The following SEMA4B variants were observed in gnomAD, a reference collection of about 807,000 sequenced individuals.
SEMA4B encodes semaphorin-4B.
SEMA4B carries 55 observed loss-of-function variants against 88.1 expected under a neutral mutation model. The observed-to-expected ratio is 0.62, with a 90% CI of 0.50 to 0.78. The LOEUF is 0.78. SEMA4B is among the 30% of genes least tolerant of loss of function. The pLI is 0.00. For synonymous variants in SEMA4B, 525 were observed against 473.6 expected (o/e 1.11, Z -1.41); for missense variants, 1,062 against 1,111.9 (o/e 0.96, Z 0.64).
At chr15:90,217,114 C>T in intron 1 of SEMA4B, 1 of 224,906 alleles carries the variant, frequency 4.4e-6, no homozygotes, top group Non-Finnish European at 8.7e-6. Flanking sequence ...GTATAGTATT[C>T]AGTTGGATTG....
In SEMA4B at chr15:90,225,053, T is replaced by G. The variant is rs778269464; in HGVS notation, c.1280T>G (p.Phe427Cys). Residue 427 changes from phenylalanine to cysteine, a missense_variant, in exon 10 of 14, where the codon TTC (phenylalanine) becomes TGC (cysteine). Phe to Cys is a radical substitution (Grantham distance 205, BLOSUM62 -2). Transcript: ENST00000411539. ...GTGCTGAACTTCCTCAAGGACCACT[T>G]CCTGATGGACGGGCAGGTCCGAAGC... ...DRVLNFLKDHFLMDGQVRSRM... is the reference protein window; with the variant it reads ...DRVLNFLKDHCLMDGQVRSRM... 6.2e-7 allele frequency: 1 copy of G among 1,613,832 alleles called. No homozygotes were observed. Among genetic ancestry groups the G allele is most frequent in the Non-Finnish European group, 8.5e-7 (1 of 1,179,810 alleles).
At chr15:90,217,868 G>C (rs1464097313) in intron 3 of SEMA4B, 39 bp downstream of exon 3, 1 of 1,572,018 alleles carries the variant, frequency 6.4e-7, no homozygotes, top group South Asian at 1.1e-5. Context: ...CTGCAGGAGG[G>C]ATGGAGGGTG....
chr15:90,220,664 C>T (rs551893204), intron 4 of SEMA4B, among the ~76,000 whole-genome samples: 9 of 152,182 alleles, frequency 5.9e-5, no homozygotes, highest in South Asian at 4.1e-4. Flanking sequence ...CCACCGCGCC[C>T]GGCCAGGCTC....
intron 7 of SEMA4B, among the ~76,000 whole-genome samples, chr15:90,222,239 C>CT (rs1961893593): frequency 1.8e-5 from 2 of 113,952 alleles, no homozygotes; most frequent in East Asian, 2.2e-4. Flanking sequence ...TGCACCCAGC[C>CT]ATTTTTTTTC....
At chr15:90,203,907 A>G (rs1436133781) in intron 1 of SEMA4B, among the ~76,000 whole-genome samples, 2 of 152,306 alleles carry the variant, frequency 1.3e-5, no homozygotes, top group East Asian at 3.9e-4. Flanking sequence ...TGAACTTGTG[A>G]GCACGTATCT....
chr15:90,228,516 G>T lies in SEMA4B; in HGVS notation c.2387G>T (p.Gly796Val), dbSNP rs768856703. 2.5e-6 allele frequency: 4 copies of T among 1,611,830 alleles called. No individual in the cohort carries two copies. The African/African-American group carries it at 5.3e-5, about 22-fold the overall frequency. Residue 796 changes from glycine to valine, a missense_variant, in exon 14 of 14, where the codon GGG becomes GTG. Physicochemically the swap from Gly to Val is moderately radical, Grantham distance 109. Coordinates refer to ENST00000411539, the MANE Select transcript of SEMA4B (RefSeq NM_198925.4). ...GYQSLSDSPPGSRVFTESEKR... is the reference protein window; with the variant it reads ...GYQSLSDSPPVSRVFTESEKR... ...CAGTCCCTGTCAGACAGCCCCCCGG[G>T]GTCCCGAGTCTTCACTGAGTCAGAG...
intron 3 of SEMA4B, among the ~76,000 whole-genome samples, chr15:90,218,677 A>G (rs940928684): frequency 2.6e-5 from 4 of 152,116 alleles, no homozygotes; most frequent in Non-Finnish European, 5.9e-5. Flanking sequence ...TTAGCCAGGC[A>G]TGGTGGCAGG....
chr15:90,193,488 C>G (rs1008987410), intron 1 of SEMA4B: 5 of 152,260 alleles, frequency 3.3e-5, no homozygotes, highest in African/African-American at 1.2e-4. Context: ...AGATGGAAGT[C>G]CTGTCACTGT....
At position 90,228,891 on chromosome 15, in the gene SEMA4B, A is replaced by G. The variant is rs1253324360; in HGVS notation, c.*248A>G. On this transcript the variant is annotated 3_prime_UTR_variant, in exon 14 of 14. Transcript: ENST00000411539. Reference sequence around the variant, plus strand: ...GGGGGCCTGCCTAGGTTGGTGGAACAGTGCTCCTTATGTAAACTGAGCCCT... The same window carrying G: ...GGGGGCCTGCCTAGGTTGGTGGAACGGTGCTCCTTATGTAAACTGAGCCCT... The G allele has an allele frequency of 3.8e-5, 22 of 585,956 alleles. No individual in the cohort carries two copies. Among genetic ancestry groups the G allele is most frequent in the Non-Finnish European group, 6.7e-5 (22 of 330,328 alleles). 36.3% of individuals were successfully genotyped at this position (585,956 alleles called of 1,614,324 possible). A position where few individuals can be genotyped will look rare whatever the true frequency, so the allele number is the denominator to read the frequency against.
chr15:90,227,878 C>T (rs747206284), intron 13 of SEMA4B, 26 bp from the exon 14 acceptor site: 1 of 1,606,656 alleles, frequency 6.2e-7, no homozygotes, highest in Non-Finnish European at 8.5e-7. Context: ...TGGCACCCCC[C>T]TACCCCATGC....
rs531617663 is a variant in SEMA4B, at chr15:90,188,559, C to T, written c.-122+3478C>T. 2.1e-3 allele frequency among the ~76,000 whole-genome samples: 312 copies of T among 151,950 alleles called. 4 individuals are homozygous for T. Among genetic ancestry groups the T allele is most frequent in the Non-Finnish European group, 7.1e-4 (48 of 67,948 alleles). On this transcript the variant is annotated intron_variant, in intron 1 of 14. Coordinates refer to the SEMA4B transcript ENST00000332496. The stretch of plus-strand genomic sequence containing the variant: ...AGGAGAGTTGCTGGAACCTGGGAGG[C>T]GGAGGCTGCAGTGAGCCGAGATCGC...
At chr15:90,219,517 C>T in intron 3 of SEMA4B, 1 of 420,310 alleles carries the variant, frequency 2.4e-6, no homozygotes, top group Non-Finnish European at 4.3e-6. Flanking sequence ...TAGTACAACT[C>T]AAAGGGGTAG....
In SEMA4B at chr15:90,227,614, G is replaced by A. The variant is rs373998456; in HGVS notation, c.1746G>A (p.Ser582=). The A allele has an allele frequency of 2.1e-4, 331 of 1,613,994 alleles. No individual in the cohort carries two copies. Among genetic ancestry groups the A allele is most frequent in the Non-Finnish European group, 2.7e-4 (313 of 1,179,882 alleles). ...CCAAGGACCTTTGCAGCGCGTCTTC[G>A]GTTGTGTCCCCGTCTTTTGTACCAA... The part of the protein sequence containing the change: ...ASAKDLCSAS[S]VVSPSFVPTG... Residue 582 remains serine (S), a synonymous_variant, in exon 13 of 14, where the codon TCG becomes TCA. Coordinates refer to ENST00000411539, the MANE Select transcript of SEMA4B (RefSeq NM_198925.4).
At chr15:90,221,260 C>T in intron 5 of SEMA4B, 107 bp from the exon 6 acceptor site, 1 of 1,184,316 alleles carries the variant, frequency 8.4e-7, no homozygotes, top group Non-Finnish European at 1.2e-6. Flanking sequence ...GCTTCCTTCT[C>T]TGCCCACCAC....
chr15:90,221,611 C>G lies in SEMA4B; in HGVS notation c.710-3C>G. The G allele has an allele frequency of 6.2e-7, 1 of 1,614,006 alleles. No homozygotes were observed. The highest frequency in any genetic ancestry group is 8.5e-7 in the Non-Finnish European group (1 of 1,179,878). Reference sequence around the variant, plus strand: ...CTCTGAGCTCCTGACCTGGTCCCTACAGACCCAGCTTTTGTGGCCTCAGCC... The same window carrying G: ...CTCTGAGCTCCTGACCTGGTCCCTAGAGACCCAGCTTTTGTGGCCTCAGCC... On this transcript the variant is annotated splice_region_variant and splice_polypyrimidine_tract_variant and intron_variant, in intron 6 of 13. Coordinates refer to ENST00000411539, the MANE Select transcript of SEMA4B (RefSeq NM_198925.4).
intron 1 of SEMA4B, among the ~76,000 whole-genome samples, chr15:90,187,583 C>T (rs1184925328): frequency 6.6e-6 from 1 of 152,174 alleles, no homozygotes; most frequent in Non-Finnish European, 1.5e-5. Context: ...AGAGGGAACT[C>T]GCAGGAGCAA....
Position 90,217,783 on chromosome 15 carries a change from A to C in SEMA4B, c.338A>C (p.Asp113Ala). 6.2e-7 allele frequency: 1 copy of C among 1,613,626 alleles called. No homozygotes were observed. Among genetic ancestry groups the C allele is most frequent in the Non-Finnish European group, 8.5e-7 (1 of 1,179,726 alleles). ...GEYQELLWGA[D>A]AEKKQQCSFK... is the part of the protein sequence containing the mutation. ...ATTCCCCAGCTGCTTTGGGGTGCAG[A>C]CGCAGAGAAGAAACAGCAGTGCAGC... Residue 113 changes from aspartate (D) to alanine (A), a missense_variant, in exon 3 of 14, where the codon GAC becomes GCC. Transcript: ENST00000411539.
Position 90,206,858 on chromosome 15 carries a change from A to T in SEMA4B, c.157+5123A>T, listed in dbSNP as rs907135325. 2.1e-5 allele frequency: 15 copies of T among 718,970 alleles called. No homozygotes were observed. The African/African-American group carries it at 2.6e-4, about 12-fold the overall frequency. The allele number at this position is 718,970 out of a possible 1,614,324, so 44.5% of individuals were successfully genotyped here. A position where few individuals can be genotyped will look rare whatever the true frequency, so the allele number is the denominator to read the frequency against. On this transcript the variant is annotated intron_variant, in intron 1 of 13. Coordinates refer to ENST00000411539, the MANE Select transcript of SEMA4B (RefSeq NM_198925.4). The stretch of plus-strand genomic sequence containing the variant: ...GTAGGTCTCTGTCAAATTGACAGAG[A>T]GGGGAAACCCCGTAAAGTGGTTGGT...
At position 90,212,975 on chromosome 15, in the gene SEMA4B, C is replaced by T. The variant is rs1289911382; in HGVS notation, c.158-4464C>T. ...GCCCTTCTGCCAGCTCTCACCGGGC[C>T]GGATTTTCCTGCGGGGCTTTTGGAT... On this transcript the variant is annotated intron_variant, in intron 1 of 13. Coordinates refer to ENST00000411539, the MANE Select transcript of SEMA4B (RefSeq NM_198925.4). The surrounding 1 kb of genome is among the most constrained non-coding windows in gnomAD (Gnocchi z 4.0). 2.6e-5 allele frequency among the ~76,000 whole-genome samples: 4 copies of T among 152,164 alleles called. No homozygotes were observed. The highest frequency in any genetic ancestry group is 4.4e-5 in the Non-Finnish European group (3 of 68,042).
Sources: gnomAD v4.1 joint callset for allele counts (sites outside exome capture counted in the v4.1 genomes callset) on GRCh38, gnomAD v4.1.1 for gene constraint, Gnocchi (gnomAD v3.1) non-coding constraint, MANE v1.5 for transcripts, NCBI Gene and HGNC (gene_info 2026-07-23, HGNC 2026-07-21) for gene names.